Variants in DRC9 observed in about 807,000 individuals in gnomAD.
DRC9 encodes dynein regulatory complex subunit 9.
chr3:197,902,188 G>A, the DRC9 span, among the ~76,000 whole-genome samples: 7 of 152,300 alleles, frequency 4.6e-5, no homozygotes, highest in Admixed American at 3.3e-4. Flanking sequence ...AATGAGGTAC[G>A]GCTTAGACCA....
At chr3:197,897,756 C>G in the DRC9 span, among the ~76,000 whole-genome samples, 1 of 150,482 alleles carries the variant, frequency 6.6e-6, no homozygotes, top group African/African-American at 2.4e-5. Flanking sequence ...TGACAAATTC[C>G]AACAAGCATA....
the DRC9 span, chr3:197,938,514 C>A: frequency 6.5e-7 from 1 of 1,528,190 alleles, no homozygotes; most frequent in South Asian, 1.1e-5. Context: ...TGTGTAAATA[C>A]GTTATTTCAC....
the DRC9 span, among the ~76,000 whole-genome samples, chr3:197,930,993 C>T: frequency 6.7e-6 from 1 of 149,592 alleles, no homozygotes; most frequent in African/African-American, 2.5e-5. Flanking sequence ...AAGATTGTGC[C>T]ACTGCACTCC....
the DRC9 span, among the ~76,000 whole-genome samples, chr3:197,952,124 T>C: frequency 6.6e-6 from 1 of 151,970 alleles, no homozygotes; most frequent in Non-Finnish European, 1.5e-5. Flanking sequence ...TTAGAACACT[T>C]GTGCTTAATG....
the DRC9 span, chr3:197,943,709 G>T: frequency 1.4e-5 from 18 of 1,246,522 alleles, no homozygotes; most frequent in East Asian, 3.9e-4. Flanking sequence ...CATTTAATGG[G>T]ATAGGTACTA....
At chr3:197,891,682 A>C in the DRC9 span, 1 of 453,890 alleles carries the variant, frequency 2.2e-6, no homozygotes, top group Non-Finnish European at 3.9e-6. Context: ...AAAAAAATGT[A>C]ATAGATTCCT....
chr3:197,918,098 C>CTTT, the DRC9 span, among the ~76,000 whole-genome samples: 1 of 129,616 alleles, frequency 7.7e-6, no homozygotes, highest in Non-Finnish European at 1.6e-5. Flanking sequence ...GTCAGTGAAT[C>CTTT]TTTTTTTTTT....
At chr3:197,893,788 C>T in the DRC9 span, among the ~76,000 whole-genome samples, 8 of 151,774 alleles carry the variant, frequency 5.3e-5, no homozygotes, top group South Asian at 2.1e-4. Context: ...ACAGAGGTTG[C>T]GGTGAGCCAA....
the DRC9 span, chr3:197,950,605 G>T: frequency 2.5e-6 from 1 of 394,154 alleles, no homozygotes; most frequent in South Asian, 3.4e-5. Context: ...TCTTACGTGT[G>T]TGTTTCTCTT....
the DRC9 span, chr3:197,954,336 G>GTTT: frequency 1.2e-5 from 7 of 560,070 alleles, no homozygotes; most frequent in East Asian, 3.3e-5. Flanking sequence ...TTTGTTTTTT[G>GTTT]TTTTTTTTTT....
the DRC9 span, among the ~76,000 whole-genome samples, chr3:197,892,459 A>G: frequency 6.6e-6 from 1 of 152,102 alleles, no homozygotes; most frequent in Non-Finnish European, 1.5e-5. Flanking sequence ...TTGACCCCAA[A>G]TAGCAATACC....
the DRC9 span, among the ~76,000 whole-genome samples, chr3:197,928,341 CTT>C: frequency 3.8e-3 from 490 of 130,590 alleles, 1 homozygote; most frequent in African/African-American, 6.6e-3. Context: ...TCTGTTCCCT[CTT>C]TTTTTTTTTT....
At chr3:197,953,918 TGA>T in the DRC9 span, 5 of 1,411,388 alleles carry the variant, frequency 3.5e-6, no homozygotes, top group Non-Finnish European at 5.0e-6. Context: ...TAACCAGGGT[TGA>T]GAGCCACTCG....
At chr3:197,889,891 C>T in the DRC9 span, among the ~76,000 whole-genome samples, 1 of 152,130 alleles carries the variant, frequency 6.6e-6, no homozygotes, top group Non-Finnish European at 1.5e-5. Context: ...GTGCAGGACC[C>T]GGAGCTTAAG....
chr3:197,951,000 C>G, the DRC9 span: 4 of 1,612,394 alleles, frequency 2.5e-6, no homozygotes, highest in Admixed American at 5.0e-5. Flanking sequence ...AAATATAGTT[C>G]TTTATTTTTG....
chr3:197,937,451 A>T, the DRC9 span, among the ~76,000 whole-genome samples: 250 of 151,224 alleles, frequency 1.7e-3, no homozygotes, highest in African/African-American at 5.1e-3. Flanking sequence ...GGTTGCTATC[A>T]CGGTCTTTTT....
chr3:197,916,728 G>A, the DRC9 span, among the ~76,000 whole-genome samples: 1 of 152,096 alleles, frequency 6.6e-6, no homozygotes, highest in Admixed American at 6.6e-5. Flanking sequence ...TTAATTCTAA[G>A]TAACCATTGG....
the DRC9 span, chr3:197,958,202 GTGC>G: frequency 6.6e-6 from 1 of 152,252 alleles, no homozygotes; most frequent in African/African-American, 2.4e-5. Flanking sequence ...AGAGAATCTG[GTGC>G]ATGCCAGGCA....
the DRC9 span, chr3:197,950,896 T>C: frequency 3.1e-6 from 5 of 1,606,610 alleles, no homozygotes; most frequent in Admixed American, 1.7e-5. Context: ...GGGAAACTTG[T>C]GTGGCTTGGT....
Sources: allele counts gnomAD v4.1 joint callset (sites outside exome capture counted in the v4.1 genomes callset), GRCh38; gene constraint gnomAD v4.1.1; transcripts MANE v1.5; gene names NCBI Gene and HGNC (gene_info 2026-07-23, HGNC 2026-07-21).